The following MTCL1 variants were observed in gnomAD, a reference collection of about 807,000 sequenced individuals.
MTCL1 encodes the protein microtubule crosslinking factor 1, also known as microtubule cross-linking factor 1.
Under a neutral mutation model 141.4 loss-of-function variants are expected in MTCL1, and 79 were observed. The ratio of observed to expected loss-of-function variants is 0.56; its 90% CI spans 0.47 to 0.67. The LOEUF (loss-of-function observed/expected upper bound fraction) is 0.67, where lower values mean the gene tolerates loss of function less well. Ranked by LOEUF, MTCL1 falls within the 30% of genes least tolerant of loss-of-function variation. The pLI is 0.00. For missense variants in MTCL1, 2,177 were observed against 2,113.9 expected (o/e 1.03, Z -0.59); for synonymous variants, 914 against 875.8 (o/e 1.04, Z -0.77).
At chr18:8,710,875 C>CTTTTTTTTTTTATTTTTTTTTTTTTTTTT (rs2096086059) in intron 1 of MTCL1, among the ~76,000 whole-genome samples, 1 of 41,794 alleles carries the variant, frequency 2.4e-5, no homozygotes, top group African/African-American at 8.5e-5. Context: ...TTTCTTTTTT[C>CTTTTTTTTTTTATTTTTTTTTTTTTTTTT]TTTTTTTTTT....
At chr18:8,708,633 G>C (rs981479855) in intron 1 of MTCL1, among the ~76,000 whole-genome samples, 1 of 152,188 alleles carries the variant, frequency 6.6e-6, no homozygotes, top group South Asian at 2.1e-4. Context: ...TTTCCTCCGA[G>C]CACACTGCTT....
intron 4 of MTCL1, among the ~76,000 whole-genome samples, chr18:8,725,994 T>A (rs1027584773): frequency 6.6e-6 from 1 of 151,882 alleles, no homozygotes; most frequent in African/African-American, 2.4e-5. Context: ...GGTTTCACCA[T>A]GTTAGCCAGG....
chr18:8,806,789 T>G, intron 10 of MTCL1, 104 bp from the exon 10 acceptor site: 6 of 632,590 alleles, frequency 9.5e-6, no homozygotes, highest in Non-Finnish European at 1.5e-5. Context: ...CAACAACACC[T>G]GGGAAACAGC....
intron 4 of MTCL1, among the ~76,000 whole-genome samples, chr18:8,739,956 C>T (rs2096293648): frequency 6.6e-6 from 1 of 152,230 alleles, no homozygotes; most frequent in Admixed American, 6.5e-5. Flanking sequence ...TGTTCTCAAT[C>T]TCTTGACCTC....
At chr18:8,798,606 A>C (rs605513) in intron 10 of MTCL1, among the ~76,000 whole-genome samples, 119,735 of 152,098 alleles carry the variant, frequency 0.79, 47,666 homozygotes, top group Admixed American at 0.88. Context: ...GCCATTGGCA[A>C]CATCATTCGT....
chr18:8,789,705 G>A (rs2075651584), intron 7 of MTCL1: 3 of 985,250 alleles, frequency 3.0e-6, no homozygotes, highest in Non-Finnish European at 2.4e-6. Flanking sequence ...TGAATTTGAT[G>A]TATAATCAGA....
chr18:8,793,415 G>A (rs1318850026), intron 8 of MTCL1, among the ~76,000 whole-genome samples: 13 of 152,130 alleles, frequency 8.5e-5, no homozygotes, highest in Admixed American at 8.5e-4. Context: ...ATCAAGTAAG[G>A]GCCTAAATGC....
chr18:8,729,671 CAAATATATATATATATATATAT>C (rs2096240134), intron 4 of MTCL1, among the ~76,000 whole-genome samples: 1 of 127,994 alleles, frequency 7.8e-6, no homozygotes, highest in African/African-American at 2.8e-5. Flanking sequence ...CCCAAGAAGA[CAAATATATATATATATATATAT>C]ATATATATAT....
exon 17 of MTCL1, chr18:8,832,245 A>T: frequency 5.7e-6 from 1 of 175,104 alleles, no homozygotes; most frequent in Non-Finnish European, 1.2e-5. Flanking sequence ...AGTTAATTTT[A>T]TTTTGTCAGT....
intron 15 of MTCL1, among the ~76,000 whole-genome samples, chr18:8,827,679 C>T (rs539715706): frequency 2.6e-5 from 4 of 152,302 alleles, no homozygotes; most frequent in African/African-American, 7.2e-5. Context: ...CTCTGAATCT[C>T]AGTTGAAATT....
chr18:8,795,952 T>C (rs1208539274), intron 8 of MTCL1, among the ~76,000 whole-genome samples: 1 of 152,104 alleles, frequency 6.6e-6, no homozygotes, highest in Non-Finnish European at 1.5e-5. Context: ...CCTGAAGGAG[T>C]TTAGAGACAT....
chr18:8,739,813 C>T (rs2096292621), intron 4 of MTCL1, among the ~76,000 whole-genome samples: 1 of 152,186 alleles, frequency 6.6e-6, no homozygotes, highest in African/African-American at 2.4e-5. Flanking sequence ...CTCACTGCAA[C>T]CTCTGCCTCC....
chr18:8,760,308 T>A (rs1259681532), intron 4 of MTCL1, among the ~76,000 whole-genome samples: 1 of 152,208 alleles, frequency 6.6e-6, no homozygotes, highest in East Asian at 1.9e-4. Flanking sequence ...CTGAGCCTGT[T>A]CCCTCACACA....
chr18:8,792,314 A>T (rs753937784), intron 7 of MTCL1, among the ~76,000 whole-genome samples: 1 of 152,236 alleles, frequency 6.6e-6, no homozygotes, highest in Admixed American at 6.5e-5. Context: ...CATAAAAGGT[A>T]GACTTTACCA....
chr18:8,751,391 C>T (rs1270485961), intron 4 of MTCL1, among the ~76,000 whole-genome samples: 1 of 152,190 alleles, frequency 6.6e-6, no homozygotes, highest in African/African-American at 2.4e-5. Context: ...GATGCTTGAT[C>T]TGTGCTTCTG....
At chr18:8,790,037 G>A (rs1018259436) in intron 7 of MTCL1, among the ~76,000 whole-genome samples, 5 of 152,208 alleles carry the variant, frequency 3.3e-5, no homozygotes, top group Admixed American at 3.3e-4. Context: ...ATAATCAGGA[G>A]GATCTAAACC....
intron 4 of MTCL1, among the ~76,000 whole-genome samples, chr18:8,738,480 AC>A (rs2096284907): frequency 6.6e-6 from 1 of 152,174 alleles, no homozygotes; most frequent in Non-Finnish European, 1.5e-5. Flanking sequence ...ATATTTTGAG[AC>A]AGAGATGTTG....
At chr18:8,765,266 A>C (rs1174597513) in intron 4 of MTCL1, among the ~76,000 whole-genome samples, 47 of 152,144 alleles carry the variant, frequency 3.1e-4, no homozygotes, top group Admixed American at 3.1e-3. Flanking sequence ...AGCGGGGTGG[A>C]GGTAGAAGGA....
intron 8 of MTCL1, 113 bp downstream of exon 7, chr18:8,793,233 A>C: frequency 6.9e-7 from 1 of 1,454,784 alleles, no homozygotes. Flanking sequence ...AGGCTGCTAG[A>C]CTCCTGGGCA....
Sources: gnomAD v4.1 joint callset for allele counts (sites outside exome capture counted in the v4.1 genomes callset) on GRCh38, gnomAD v4.1.1 for gene constraint, MANE v1.5 for transcripts, NCBI Gene and HGNC (gene_info 2026-07-23, HGNC 2026-07-21) for gene names.